The following DRC1 variants were observed in gnomAD, a reference collection of about 807,000 sequenced individuals.
DRC1 encodes dynein regulatory complex protein 1.
A neutral mutation model predicts 98.7 loss-of-function variants in DRC1; 74 were observed. The ratio of observed to expected loss-of-function variants is 0.75; its 90% confidence interval spans 0.62 to 0.91. The LOEUF (loss-of-function observed/expected upper bound fraction) is 0.91, where lower values mean the gene tolerates loss of function less well. DRC1 is among the 40% of genes least tolerant of loss of function. The pLI is 0.00. For missense variants in DRC1, 875 were observed against 886.0 expected (o/e 0.99, Z 0.16); for synonymous variants, 336 against 334.1 (o/e 1.01, Z -0.06).
At chr2:26,428,846 T>C (rs1663353655) in intron 4 of DRC1, among the ~76,000 whole-genome samples, 1 of 152,148 alleles carries the variant, frequency 6.6e-6, no homozygotes, top group Admixed American at 6.5e-5. Context: ...CTGTCGTATA[T>C]GTGGTCCATC....
chr2:26,454,666 A>C lies in DRC1; in HGVS notation c.1939A>C (p.Arg647=). ...CTTCAGGGACTCGCGGGCCCCGCTG[A>C]GGGTACAGAAGAATGTGCGTGACAA... ...KKPRDSRAPL[R]VQKNVRDNSK... The change falls in exon 15 of 17, where the codon AGG becomes CGG. Residue 647 remains arginine, a synonymous_variant. Coordinates refer to ENST00000288710, the MANE Select transcript of DRC1 (RefSeq NM_145038.5). This position sits in a 1 kb window ranked among gnomAD's most constrained non-coding sequence, Gnocchi z 5.2. 6.2e-7 allele frequency: 1 copy of C among 1,614,088 alleles called. No individual in the cohort carries two copies. Among genetic ancestry groups the C allele is most frequent in the Non-Finnish European group, 8.5e-7 (1 of 1,180,002 alleles).
intron 1 of DRC1, among the ~76,000 whole-genome samples, chr2:26,412,048 C>G (rs2163243): frequency 0.76 from 115,849 of 151,924 alleles, 46,440 homozygotes; most frequent in Non-Finnish European, 0.89. Context: ...GGTAAGAAAA[C>G]AAAGAGCATG....
chr2:26,425,651 T>G (rs1184826934), intron 4 of DRC1, among the ~76,000 whole-genome samples: 1 of 152,216 alleles, frequency 6.6e-6, no homozygotes, highest in Non-Finnish European at 1.5e-5. Context: ...GGTTTGGATT[T>G]GCATTTCCGT....
chr2:26,453,219 C>A, intron 13 of DRC1, 101 bp from the exon 14 acceptor site: 1 of 1,414,088 alleles, frequency 7.1e-7, no homozygotes, highest in Non-Finnish European at 9.7e-7. Context: ...GGCAAGCTGT[C>A]ACTTTCTGTA....
In DRC1 at chr2:26,436,494, G is replaced by A. The variant is rs185660422; in HGVS notation, c.889-3884G>A. ...GCCTGGCTAATTTAAATTTTTTTTTGTAGAGATAGGTTCTCACTTTGTTGC... is the reference window on the plus strand; with the variant it reads ...GCCTGGCTAATTTAAATTTTTTTTTATAGAGATAGGTTCTCACTTTGTTGC... On this transcript the variant is annotated intron_variant, in intron 7 of 16. Coordinates refer to ENST00000288710, the MANE Select transcript of DRC1 (RefSeq NM_145038.5). 2.0e-5 allele frequency among the ~76,000 whole-genome samples: 3 copies of A among 151,674 alleles called. No individual in the cohort carries two copies. The East Asian group carries it at 5.8e-4, about 29-fold the overall frequency.
chr2:26,416,664 T>A (rs1350223168), intron 2 of DRC1, among the ~76,000 whole-genome samples: 1 of 152,240 alleles, frequency 6.6e-6, no homozygotes, highest in Non-Finnish European at 1.5e-5. Context: ...CACCGTTTAC[T>A]GAAAAGATCA....
chr2:26,422,104 C>T (rs904582007), intron 3 of DRC1, among the ~76,000 whole-genome samples: 1 of 152,086 alleles, frequency 6.6e-6, no homozygotes, highest in Non-Finnish European at 1.5e-5. Context: ...GGCAAGGTGA[C>T]GTTGAGCTGG....
At chr2:26,418,689 A>T (rs867532743) in intron 2 of DRC1, among the ~76,000 whole-genome samples, 86 of 84,660 alleles carry the variant, frequency 1.0e-3, no homozygotes, top group African/African-American at 4.1e-3. Context: ...AATTTATATT[A>T]TATATAAATT....
At chr2:26,436,448 A>T (rs1299143029) in intron 7 of DRC1, among the ~76,000 whole-genome samples, 1 of 152,194 alleles carries the variant, frequency 6.6e-6, no homozygotes, top group African/African-American at 2.4e-5. Context: ...AATAGCTGGG[A>T]CTACAGGCAC....
intron 7 of DRC1, among the ~76,000 whole-genome samples, chr2:26,438,133 A>C (rs1188551298): frequency 2.0e-5 from 3 of 150,562 alleles, no homozygotes; most frequent in Non-Finnish European, 4.4e-5. Context: ...CATTAAAATG[A>C]TGTTAATAAA....
intron 5 of DRC1, chr2:26,430,364 T>A: frequency 2.7e-6 from 1 of 369,918 alleles, no homozygotes; most frequent in Non-Finnish European, 5.5e-6. Context: ...TAGAGACTCA[T>A]TTCTGCATTC....
chr2:26,438,645 G>A (rs1171725695), intron 7 of DRC1, among the ~76,000 whole-genome samples: 3 of 152,108 alleles, frequency 2.0e-5, no homozygotes, highest in African/African-American at 4.8e-5. Flanking sequence ...GGTGGGGATC[G>A]CCGGATTCCA....
chr2:26,427,715 T>C (rs1160468871), intron 4 of DRC1, among the ~76,000 whole-genome samples: 1 of 152,188 alleles, frequency 6.6e-6, no homozygotes, highest in East Asian at 1.9e-4. Flanking sequence ...CATTCCTCCC[T>C]GACCCTCCAC....
chr2:26,432,682 GA>G lies in DRC1; in HGVS notation c.888+681del, dbSNP rs551322300. 3.1e-4 allele frequency among the ~76,000 whole-genome samples: 47 copies of G among 152,242 alleles called. No individual in the cohort carries two copies. The South Asian group carries it at 9.8e-3, about 32-fold the overall frequency. ...TGGAAGCCATTTTCTCCTGGCAAAG[GA>G]AAAATGTCCCTAGGCCACTTTGGCT... On this transcript the variant is annotated intron_variant, in intron 7 of 16. Transcript: ENST00000288710.
At chr2:26,444,079 G>A in intron 8 of DRC1, 143 bp from the exon 9 acceptor site, 2 of 1,172,600 alleles carry the variant, frequency 1.7e-6, no homozygotes, top group Non-Finnish European at 2.4e-6. Context: ...AATGGGATCT[G>A]TGTTTTGGAA....
At chr2:26,451,328 A>G (rs1664002760) in intron 13 of DRC1, among the ~76,000 whole-genome samples, 1 of 152,194 alleles carries the variant, frequency 6.6e-6, no homozygotes, top group East Asian at 1.9e-4. Context: ...ACTTTCCCGC[A>G]AGGCAAGGCC....
intron 7 of DRC1, among the ~76,000 whole-genome samples, chr2:26,436,343 C>G (rs1663570702): frequency 6.6e-6 from 1 of 152,184 alleles, no homozygotes; most frequent in South Asian, 2.1e-4. Context: ...GGGTCTTCCT[C>G]TGTTGCTCAG....
rs763908945 is a variant in DRC1 at position 26,424,241 on chromosome 2, T to C, written c.357-30T>C. On this transcript the variant is annotated intron_variant, in intron 3 of 16. Transcript: ENST00000288710. ...CTGGAAGGCAGCATCTGGAGCTGGG[T>C]TGGCATGGCTGGCATGTATGTATTT... 7 of 1,612,192 alleles carry C rather than the reference T, an allele frequency of 4.3e-6. No individual in the cohort carries two copies. In the South Asian group the frequency reaches 6.6e-5, roughly 15 times the overall value.
intron 3 of DRC1, 80 bp downstream of exon 3, chr2:26,421,480 G>C (rs889603879): frequency 2.4e-6 from 3 of 1,234,234 alleles, no homozygotes; most frequent in Non-Finnish European, 3.5e-6. Context: ...ATTGTTGGAG[G>C]GTGACTTTGT....
Sources: allele counts gnomAD v4.1 joint callset (sites outside exome capture counted in the v4.1 genomes callset), GRCh38; gene constraint gnomAD v4.1.1; non-coding constraint Gnocchi (gnomAD v3.1); transcripts MANE v1.5; gene names NCBI Gene and HGNC (gene_info 2026-07-23, HGNC 2026-07-21).